Variants in KCNE1 observed in about 807,000 individuals in gnomAD.
KCNE1 encodes the protein potassium voltage-gated channel subfamily E regulatory subunit 1, also known as potassium voltage-gated channel subfamily E member 1.
KCNE1 carries 1 observed loss-of-function variant against 2.9 expected under a neutral mutation model. The observed-to-expected ratio is 0.34, with a 90% CI of 0.12 to 1.62. KCNE1 has a LOEUF of 1.62. Ranked by LOEUF, KCNE1 falls within the 40% of genes most tolerant of loss-of-function variation. KCNE1 has a pLI of 0.36. For missense variants in KCNE1, 45 were observed against 150.5 expected (o/e 0.30, Z 3.67); for synonymous variants, 23 against 65.4 (o/e 0.35, Z 3.13).
chr21:34,499,676 C>A (rs1983045727), intron 2 of KCNE1, among the ~76,000 whole-genome samples: 1 of 152,156 alleles, frequency 6.6e-6, no homozygotes, highest in Non-Finnish European at 1.5e-5. Flanking sequence ...ACGGTTAAAT[C>A]CTTCTCCTGT....
intron 2 of KCNE1, among the ~76,000 whole-genome samples, chr21:34,497,804 C>T (rs7283178): frequency 0.014 from 2,204 of 152,284 alleles, 47 homozygotes; most frequent in African/African-American, 0.051. Context: ...TACTCAAGAA[C>T]ACCAATTATT....
intron 2 of KCNE1, among the ~76,000 whole-genome samples, chr21:34,506,208 G>A (rs41312997): frequency 0.011 from 1,643 of 152,280 alleles, 33 homozygotes; most frequent in Non-Finnish European, 0.012. Context: ...TTCAAGTTGG[G>A]CCCTACAGAT....
intron 2 of KCNE1, among the ~76,000 whole-genome samples, chr21:34,505,479 A>G (rs1478405078): frequency 6.6e-6 from 1 of 151,496 alleles, no homozygotes; most frequent in African/African-American, 2.4e-5. Flanking sequence ...AGGGAGCAAC[A>G]CTTTGTTACC....
chr21:34,500,425 T>A (rs1182735416), intron 2 of KCNE1, among the ~76,000 whole-genome samples: 1 of 152,264 alleles, frequency 6.6e-6, no homozygotes, highest in Admixed American at 6.5e-5. Context: ...TGCCATGTTA[T>A]CAGTTTGATA....
chr21:34,511,676 G>A (rs1983843949), intron 1 of KCNE1, among the ~76,000 whole-genome samples: 1 of 152,220 alleles, frequency 6.6e-6, no homozygotes, highest in Non-Finnish European at 1.5e-5. Context: ...CAGCTTATAG[G>A]AGCCTGCATG....
At chr21:34,499,342 C>G (rs974735552) in intron 2 of KCNE1, among the ~76,000 whole-genome samples, 1 of 152,232 alleles carries the variant, frequency 6.6e-6, no homozygotes, top group East Asian at 1.9e-4. Flanking sequence ...GCACAGCTTT[C>G]GGGCCTTGCC....
intron 2 of KCNE1, among the ~76,000 whole-genome samples, chr21:34,500,846 T>C (rs181340080): frequency 2.2e-4 from 33 of 152,352 alleles, no homozygotes; most frequent in Admixed American, 3.3e-4. Context: ...AGCACTTCAC[T>C]ATGTGACTCT....
At chr21:34,507,022 CG>C (rs1275170505) in intron 2 of KCNE1, among the ~76,000 whole-genome samples, 1 of 152,162 alleles carries the variant, frequency 6.6e-6, no homozygotes, top group Non-Finnish European at 1.5e-5. Flanking sequence ...GCAGTCTTCA[CG>C]GGAGGTGAGA....
chr21:34,506,207 G>A (rs1983477471), intron 2 of KCNE1, among the ~76,000 whole-genome samples: 2 of 152,158 alleles, frequency 1.3e-5, no homozygotes, highest in South Asian at 4.2e-4. Flanking sequence ...CTTCAAGTTG[G>A]GCCCTACAGA....
At chr21:34,511,379 C>T (rs142234906) in intron 1 of KCNE1, 64 bp from the exon 2 acceptor site, 1 of 838,444 alleles carries the variant, frequency 1.2e-6, no homozygotes, top group African/African-American at 1.8e-5. Context: ...GGAGGTGGGA[C>T]CTAATGGGAG....
intron 2 of KCNE1, among the ~76,000 whole-genome samples, chr21:34,507,796 C>T (rs1028307722): frequency 1.3e-5 from 2 of 152,206 alleles, no homozygotes; most frequent in Non-Finnish European, 2.9e-5. Context: ...ATTTCAAAGA[C>T]CTCTACTCTG....
At position 34,449,410 on chromosome 21, in the gene KCNE1, G is replaced by A. The variant is rs79175878; in HGVS notation, c.225C>T (p.Asn75=). 5.6e-5 allele frequency: 90 copies of A among 1,598,034 alleles called. 1 individual carries two copies. Among genetic ancestry groups the A allele is most frequent in the African/African-American group, 1.9e-4 (14 of 71,836 alleles). The part of the protein sequence containing the change: ...YIRSKKLEHS[N]DPFNVYIESD... ...ACTCGATGTAGACGTTGAATGGGTC[G>A]TTCGAGTGCTCCAGCTTCTTGGAGC... Residue 75 remains asparagine, a synonymous_variant, in exon 4 of 4, where the codon AAC becomes AAT. Coordinates refer to ENST00000399286, the MANE Select transcript of KCNE1 (RefSeq NM_000219.6).
chr21:34,505,322 A>T (rs1983416370), intron 2 of KCNE1, among the ~76,000 whole-genome samples: 1 of 152,126 alleles, frequency 6.6e-6, no homozygotes, highest in Admixed American at 6.5e-5. Context: ...TTTAGTAGAG[A>T]TGGGGTTTCA....
chr21:34,511,066 C>T (rs1277229281), intron 2 of KCNE1, 35 bp downstream of exon 2: 2 of 873,058 alleles, frequency 2.3e-6, no homozygotes, highest in African/African-American at 3.6e-5. Context: ...GGGTGCCTAA[C>T]TGAGGAAAGG....
intron 2 of KCNE1, among the ~76,000 whole-genome samples, chr21:34,498,128 T>C (rs1982923236): frequency 6.6e-6 from 1 of 152,234 alleles, no homozygotes; most frequent in Non-Finnish European, 1.5e-5. Flanking sequence ...ATTTTCACCT[T>C]TTTCTGGTAT....
chr21:34,508,044 T>G (rs74631356), intron 2 of KCNE1, among the ~76,000 whole-genome samples: 1 of 152,098 alleles, frequency 6.6e-6, no homozygotes, highest in Admixed American at 6.5e-5. Flanking sequence ...TTTTTTTTTT[T>G]GAGACAGGGT....
chr21:34,496,534 A>G (rs1013324581), intron 2 of KCNE1, among the ~76,000 whole-genome samples: 2 of 152,090 alleles, frequency 1.3e-5, no homozygotes, highest in African/African-American at 2.4e-5. Flanking sequence ...TAGTTGGTAT[A>G]ATTTCAGTTT....
intron 2 of KCNE1, among the ~76,000 whole-genome samples, chr21:34,497,368 C>G (rs1982874622): frequency 6.6e-6 from 1 of 152,148 alleles, no homozygotes; most frequent in Admixed American, 6.5e-5. Context: ...TCTTGTGGTG[C>G]TGGCTTGGGA....
chr21:34,496,773 C>G (rs1474953894), intron 2 of KCNE1, among the ~76,000 whole-genome samples: 1 of 152,130 alleles, frequency 6.6e-6, no homozygotes, highest in Non-Finnish European at 1.5e-5. Context: ...AAATCCCCCA[C>G]TATTATCATG....
Sources: allele counts gnomAD v4.1 joint callset (sites outside exome capture counted in the v4.1 genomes callset), GRCh38; gene constraint gnomAD v4.1.1; transcripts MANE v1.5; gene names NCBI Gene and HGNC (gene_info 2026-07-23, HGNC 2026-07-21).